Variants in VEZT observed in about 807,000 individuals in gnomAD.
VEZT encodes vezatin.
VEZT carries 39 observed loss-of-function variants against 79.9 expected under a neutral mutation model. That is an observed-to-expected ratio of 0.49 (90% CI 0.38 to 0.64). The LOEUF is 0.64. VEZT is among the 30% of genes least tolerant of loss of function. The pLI, the probability that VEZT is intolerant of heterozygous loss-of-function variation, is 0.00. For synonymous variants in VEZT, 325 were observed against 327.6 expected, an observed-to-expected ratio of 0.99 and a Z score of 0.09; for missense variants, 837 against 893.1, an observed-to-expected ratio of 0.94 and a Z score of 0.80.
intron 5 of VEZT, among the ~76,000 whole-genome samples, chr12:95,268,152 GTTGT>G (rs1442244484): frequency 2.0e-5 from 3 of 152,204 alleles, no homozygotes; most frequent in Non-Finnish European, 2.9e-5. Context: ...ACGTTTTTAA[GTTGT>G]TTAAGTGTCA....
At chr12:95,232,716 A>G (rs759133763) in intron 1 of VEZT, among the ~76,000 whole-genome samples, 10 of 152,216 alleles carry the variant, frequency 6.6e-5, no homozygotes, top group Non-Finnish European at 1.3e-4. Flanking sequence ...TAGATATCAT[A>G]CTGACATTTT....
At chr12:95,247,679 G>C (rs2061910957) in intron 1 of VEZT, among the ~76,000 whole-genome samples, 1 of 152,112 alleles carries the variant, frequency 6.6e-6, no homozygotes, top group Non-Finnish European at 1.5e-5. Context: ...CAAATAATTT[G>C]AGAACTACTG....
chr12:95,279,874 T>C (rs1226443108), intron 7 of VEZT, among the ~76,000 whole-genome samples: 1 of 152,136 alleles, frequency 6.6e-6, no homozygotes, highest in Non-Finnish European at 1.5e-5. Flanking sequence ...TGGGAGCCAC[T>C]GCGCCTGGCC....
intron 9 of VEZT, 110 bp from the exon 10 acceptor site, chr12:95,294,162 C>G (rs1226069254): frequency 1.2e-6 from 1 of 815,974 alleles, no homozygotes; most frequent in Non-Finnish European, 1.9e-6. Context: ...GCTGGGATTA[C>G]AGGCATGAGC....
At position 95,270,097 on chromosome 12, in the gene VEZT, C is replaced by G; in HGVS notation, c.757C>G (p.Gln253Glu). 6.2e-6 allele frequency: 10 copies of G among 1,611,946 alleles called. No homozygotes were observed. The highest frequency in any genetic ancestry group is 8.5e-6 in the Non-Finnish European group (10 of 1,179,078). ...PFNKAGQHPSQHLIGLRKAVY... is the reference protein window; with the variant it reads ...PFNKAGQHPSEHLIGLRKAVY... ...TAATAAAGCTGGACAGCATCCAAGT[C>G]AGCATCTCATCGGTCTTCGGAAAGC... The change falls in exon 6 of 12, where the codon CAG becomes GAG. Residue 253 changes from glutamine (Q) to glutamate (E), a missense_variant. Transcript: ENST00000436874.
At chr12:95,243,816 T>A (rs2061362298) in intron 1 of VEZT, 12 of 363,816 alleles carry the variant, frequency 3.3e-5, no homozygotes, top group South Asian at 1.7e-4. Flanking sequence ...CAAAACTGAA[T>A]TAGTTCTCTT....
chr12:95,220,509 C>T (rs752724401), intron 1 of VEZT, among the ~76,000 whole-genome samples: 14 of 152,120 alleles, frequency 9.2e-5, no homozygotes, highest in Non-Finnish European at 2.1e-4. Context: ...CAGAAGCTCC[C>T]TCCTGGTCCT....
chr12:95,258,402 C>T, intron 3 of VEZT: 1 of 391,600 alleles, frequency 2.6e-6, no homozygotes, highest in South Asian at 1.9e-5. Context: ...TTTCACTATA[C>T]AGTGCCAGCT....
chr12:95,266,466 A>G lies in VEZT; in HGVS notation c.544A>G (p.Ile182Val). The change falls in exon 5 of 12, where the codon ATA becomes GTA. Residue 182 changes from isoleucine to valine, a missense_variant. Coordinates refer to ENST00000436874, the MANE Select transcript of VEZT (RefSeq NM_017599.4). ...WGVILFVYLV[I>V]RALRLWRTAK... Reference sequence around the variant, plus strand: ...AGTGATTCTATTTGTGTATCTGGTCATAAGAGCTTTGAGATTATGGAGGAC... The same window carrying G: ...AGTGATTCTATTTGTGTATCTGGTCGTAAGAGCTTTGAGATTATGGAGGAC... 3 of 1,613,894 alleles carry G rather than the reference A, an allele frequency of 1.9e-6. No individual in the cohort carries two copies. The highest frequency in any genetic ancestry group is 2.5e-6 in the Non-Finnish European group (3 of 1,179,886).
At chr12:95,262,757 C>A in intron 3 of VEZT, 149 bp from the exon 4 acceptor site, 1 of 610,760 alleles carries the variant, frequency 1.6e-6, no homozygotes, top group Non-Finnish European at 2.5e-6. Flanking sequence ...ACCCAGCTAT[C>A]ATACTGAAGG....
chr12:95,245,933 C>A (rs906594015), intron 1 of VEZT, among the ~76,000 whole-genome samples: 1 of 152,174 alleles, frequency 6.6e-6, no homozygotes, highest in African/African-American at 2.4e-5. Context: ...AAGCTATGAT[C>A]GTGCCATTGC....
Position 95,217,815 on chromosome 12 carries a change from C to A in VEZT, c.-36C>A. ...GCCGCCTGTACTCCCGCCTTCATTT[C>A]CCATCGTGCTGAGGCGGGTGGCATG... On this transcript the variant is annotated 5_prime_UTR_variant, in exon 1 of 12. Coordinates refer to ENST00000436874, the MANE Select transcript of VEZT (RefSeq NM_017599.4). The A allele has an allele frequency of 6.4e-7, 1 of 1,552,050 alleles. No individual in the cohort carries two copies. Among genetic ancestry groups the A allele is most frequent in the Admixed American group, 2.1e-5 (1 of 48,266 alleles).
At chr12:95,287,995 A>G in intron 9 of VEZT, 138 bp downstream of exon 9, 1 of 648,632 alleles carries the variant, frequency 1.5e-6, no homozygotes. Flanking sequence ...TTTAATGTTG[A>G]ATTTATATGT....
chr12:95,220,572 A>G (rs1221759832), intron 1 of VEZT, among the ~76,000 whole-genome samples: 3 of 152,016 alleles, frequency 2.0e-5, no homozygotes, highest in Non-Finnish European at 4.4e-5. Flanking sequence ...ATAATAACCT[A>G]GATTAATTTT....
intron 1 of VEZT, among the ~76,000 whole-genome samples, chr12:95,244,419 C>A (rs1171611924): frequency 5.9e-5 from 9 of 152,104 alleles, no homozygotes; most frequent in Non-Finnish European, 1.3e-4. Context: ...ATAATTATCT[C>A]ATCTGACAAA....
At chr12:95,291,173 G>T (rs1233689256) in intron 9 of VEZT, among the ~76,000 whole-genome samples, 1 of 152,202 alleles carries the variant, frequency 6.6e-6, no homozygotes, top group Non-Finnish European at 1.5e-5. Context: ...CGAGGCTTCA[G>T]TGAGCCATGA....
intron 1 of VEZT, among the ~76,000 whole-genome samples, chr12:95,227,304 G>T (rs927626545): frequency 6.6e-6 from 1 of 151,278 alleles, no homozygotes; most frequent in East Asian, 1.9e-4. Context: ...GGGACTACAG[G>T]CATGTGCCAT....
intron 1 of VEZT, among the ~76,000 whole-genome samples, chr12:95,247,803 A>T (rs2137634834): frequency 6.6e-6 from 1 of 152,342 alleles, no homozygotes; most frequent in East Asian, 1.9e-4. Context: ...TAATGTAAGC[A>T]TAATGAATAG....
chr12:95,250,987 C>T (rs1593418783), intron 1 of VEZT, among the ~76,000 whole-genome samples: 2 of 152,000 alleles, frequency 1.3e-5, no homozygotes, highest in African/African-American at 2.4e-5. Flanking sequence ...GAGGCAGAGT[C>T]GGGATTTGAA....
Sources: gnomAD v4.1 joint callset for allele counts (sites outside exome capture counted in the v4.1 genomes callset) on GRCh38, gnomAD v4.1.1 for gene constraint, MANE v1.5 for transcripts, NCBI Gene and HGNC (gene_info 2026-07-23, HGNC 2026-07-21) for gene names.